The following COX10 variants were observed in gnomAD, a reference collection of about 807,000 sequenced individuals.
COX10 encodes the protein protoheme IX farnesyltransferase, mitochondrial.
In COX10, 27 loss-of-function variants were observed where a neutral mutation model predicts 37.3. The observed-to-expected ratio is 0.72, with a 90% confidence interval of 0.53 to 1.00. The LOEUF is 1.00. COX10 is among the 50% of genes least tolerant of loss of function. The pLI, the probability that COX10 is intolerant of heterozygous loss-of-function variation, is 0.00. For missense variants in COX10, 475 were observed against 563.2 expected (o/e 0.84, Z 1.59); for synonymous variants, 222 against 229.1 (o/e 0.97, Z 0.28).
In COX10 at chr17:14,076,953, T is replaced by G. The variant is rs781218450; in HGVS notation, c.396T>G (p.Asp132Glu). The change falls in exon 3 of 7, where the codon GAT becomes GAG. Residue 132 changes from aspartate to glutamate, a missense_variant. Coordinates refer to ENST00000261643, the MANE Select transcript of COX10 (RefSeq NM_001303.4). ...EPDSVIEDSIDVGKETKEEKR... is the reference protein window; with the variant it reads ...EPDSVIEDSIEVGKETKEEKR... ...ACTCAGTAATTGAAGACTCAATAGA[T>G]GTAGGGAAAGAGACAAAAGAGGAAA... 2.5e-6 allele frequency: 4 copies of G among 1,614,012 alleles called. No homozygotes were observed. Among genetic ancestry groups the G allele is most frequent in the Non-Finnish European group, 2.5e-6 (3 of 1,180,022 alleles).
At chr17:14,144,125 C>T (rs759703615) in intron 4 of COX10, among the ~76,000 whole-genome samples, 85 of 152,116 alleles carry the variant, frequency 5.6e-4, no homozygotes, top group African/African-American at 1.9e-3. Flanking sequence ...GCCTCCACCC[C>T]CACCGTGTTG....
chr17:14,155,746 G>C (rs1452829937), intron 4 of COX10, among the ~76,000 whole-genome samples: 1 of 151,578 alleles, frequency 6.6e-6, no homozygotes, highest in Non-Finnish European at 1.5e-5. Context: ...GAAAACAAAA[G>C]ATAGGAGAGT....
At chr17:14,146,236 A>T (rs1323707757) in intron 4 of COX10, among the ~76,000 whole-genome samples, 2 of 152,154 alleles carry the variant, frequency 1.3e-5, no homozygotes, top group African/African-American at 4.8e-5. Flanking sequence ...GAGCTATAGT[A>T]TACAAAGCTA....
chr17:14,199,960 C>G (rs187632111), intron 6 of COX10, among the ~76,000 whole-genome samples: 15 of 152,288 alleles, frequency 9.8e-5, no homozygotes, highest in Admixed American at 2.6e-4. Context: ...GACGCGCTAC[C>G]GTGGGCCACA....
intron 4 of COX10, among the ~76,000 whole-genome samples, chr17:14,102,468 A>G (rs1186623892): frequency 6.6e-6 from 1 of 152,120 alleles, no homozygotes; most frequent in Non-Finnish European, 1.5e-5. Context: ...AGATGCTTCA[A>G]ATGACTAGGA....
At chr17:14,143,777 A>C (rs1376970316) in intron 4 of COX10, among the ~76,000 whole-genome samples, 1 of 152,154 alleles carries the variant, frequency 6.6e-6, no homozygotes, top group Non-Finnish European at 1.5e-5. Context: ...CTGATAGGCA[A>C]AATGGATGAG....
chr17:14,122,921 C>T (rs1381928625), intron 4 of COX10, among the ~76,000 whole-genome samples: 1 of 152,140 alleles, frequency 6.6e-6, no homozygotes, highest in Admixed American at 6.5e-5. Context: ...ACATGGCATC[C>T]GCCCACTTCA....
At chr17:14,075,977 G>A (rs1384444827) in intron 2 of COX10, among the ~76,000 whole-genome samples, 2 of 123,160 alleles carry the variant, frequency 1.6e-5, no homozygotes, top group Admixed American at 1.8e-4. Context: ...GGGCAACAGA[G>A]CGAGGCTCCA....
intron 5 of COX10, among the ~76,000 whole-genome samples, chr17:14,165,529 T>G (rs1437757793): frequency 1.3e-5 from 2 of 152,180 alleles, no homozygotes; most frequent in Non-Finnish European, 2.9e-5. Flanking sequence ...ACTGGCAGTT[T>G]CCCCATCTCT....
At position 14,135,821 on chromosome 17, in the gene COX10, A is replaced by G. The variant is rs113905279; in HGVS notation, c.625-24056A>G. Among the ~76,000 whole-genome samples, 1,212 of 152,042 alleles carry G rather than the reference A, an allele frequency of 8.0e-3. 9 individuals are homozygous for G. The highest frequency in any genetic ancestry group is 0.017 in the Middle Eastern group (5 of 294). ...TGAAATCTTTTTCAAATTCATGGCC[A>G]GCAACTCAGGAAAAGTAAAGGCATT... is the stretch of plus-strand genomic sequence containing the variant. On this transcript the variant is annotated intron_variant, in intron 4 of 6. Transcript: ENST00000261643.
intron 4 of COX10, among the ~76,000 whole-genome samples, chr17:14,142,285 G>A (rs1043288341): frequency 8.5e-5 from 13 of 152,120 alleles, no homozygotes; most frequent in Admixed American, 7.9e-4. Context: ...GTGCAGACAC[G>A]GAAAAATCAT....
At chr17:14,184,243 C>G (rs1321301210) in intron 5 of COX10, among the ~76,000 whole-genome samples, 1 of 152,092 alleles carries the variant, frequency 6.6e-6, no homozygotes, top group Non-Finnish European at 1.5e-5. Context: ...ATAATACACC[C>G]TTTCAGTTGA....
Position 14,192,039 on chromosome 17 carries a change from C to T in COX10, c.746C>T (p.Ala249Val). The change falls in exon 6 of 7, where the codon GCC becomes GTC. Residue 249 changes from alanine (A) to valine (V), a missense_variant. Ala to Val is a moderately conservative substitution (Grantham distance 64). Transcript: ENST00000261643. ...FATCCAVPGV[A>V]ILTLGVNPLT... Reference sequence around the variant, plus strand: ...ACTTGTTGTGCTGTTCCGGGAGTTGCCATTCTGACCTTGGGGGTGAATCCA... The same window carrying T: ...ACTTGTTGTGCTGTTCCGGGAGTTGTCATTCTGACCTTGGGGGTGAATCCA... 6.2e-7 allele frequency: 1 copy of T among 1,614,168 alleles called. No homozygotes were observed. The highest frequency in any genetic ancestry group is 1.1e-5 in the South Asian group (1 of 91,080).
intron 4 of COX10, among the ~76,000 whole-genome samples, chr17:14,143,940 T>G (rs1442533682): frequency 1.3e-5 from 2 of 152,162 alleles, no homozygotes; most frequent in Admixed American, 1.3e-4. Context: ...AAGCGTACAG[T>G]GCAGATACTG....
intron 6 of COX10, among the ~76,000 whole-genome samples, chr17:14,203,511 T>C (rs1322952620): frequency 6.6e-6 from 1 of 152,140 alleles, no homozygotes; most frequent in Non-Finnish European, 1.5e-5. Context: ...CAGAAATGAT[T>C]AAGTTTCTCC....
intron 3 of COX10, among the ~76,000 whole-genome samples, chr17:14,091,355 T>C (rs1382615011): frequency 6.6e-6 from 1 of 152,200 alleles, no homozygotes; most frequent in Non-Finnish European, 1.5e-5. Flanking sequence ...TGACAAACTA[T>C]TGATTTTCAG....
intron 5 of COX10, among the ~76,000 whole-genome samples, chr17:14,174,181 C>T (rs1358446747): frequency 2.6e-5 from 4 of 151,842 alleles, no homozygotes; most frequent in African/African-American, 4.8e-5. Flanking sequence ...CAAAAGGGGC[C>T]GGGCACAGTG....
chr17:14,190,985 G>T (rs976026798), intron 5 of COX10, among the ~76,000 whole-genome samples: 2 of 152,138 alleles, frequency 1.3e-5, no homozygotes, highest in African/African-American at 4.8e-5. Context: ...GAAACGTGTT[G>T]TGGAATCTGT....
intron 4 of COX10, among the ~76,000 whole-genome samples, chr17:14,129,526 G>A (rs1916417899): frequency 6.6e-6 from 1 of 152,130 alleles, no homozygotes; most frequent in Non-Finnish European, 1.5e-5. Context: ...ACCAGGATCT[G>A]ATTCTTCTGT....
Sources: allele counts gnomAD v4.1 joint callset (sites outside exome capture counted in the v4.1 genomes callset), GRCh38; gene constraint gnomAD v4.1.1; transcripts MANE v1.5; gene names NCBI Gene and HGNC (gene_info 2026-07-23, HGNC 2026-07-21).